KDM2A: variants seen among roughly 807,000 people sequenced by gnomAD.
KDM2A encodes lysine-specific demethylase 2A.
In KDM2A, 3 loss-of-function variants were observed where a neutral mutation model predicts 137.3. The observed-to-expected ratio is 0.02, with a 90% confidence interval of 0.01 to 0.06. The LOEUF is 0.06. KDM2A is among the 10% of genes least tolerant of loss of function. KDM2A has a pLI of 1.00. For synonymous variants in KDM2A, 512 were observed against 541.5 expected (o/e 0.95, Z 0.76); for missense variants, 738 against 1,510.6 (o/e 0.49, Z 8.48).
At chr11:67,224,275 A>G (rs546303774) in intron 10 of KDM2A, among the ~76,000 whole-genome samples, 2 of 152,256 alleles carry the variant, frequency 1.3e-5, no homozygotes, top group East Asian at 3.9e-4. Flanking sequence ...AAACAGTATC[A>G]TTTGGCTTAT....
rs1031421906 is a variant in KDM2A, at chr11:67,228,804, A to G, written c.1084+641A>G. Among the ~76,000 whole-genome samples, 3 of 152,018 alleles carry G rather than the reference A, an allele frequency of 2.0e-5. No homozygotes were observed. The East Asian group carries it at 5.8e-4, about 29-fold the overall frequency. ...CAAGTTGAATTGCAGTGGCGTGATC[A>G]TAGCTCACTGTAACCTCAAACTCCT... On this transcript the variant is annotated intron_variant, in intron 11 of 20. Transcript: ENST00000529006.
chr11:67,211,596 A>C (rs1857985030), intron 6 of KDM2A, among the ~76,000 whole-genome samples: 1 of 130,502 alleles, frequency 7.7e-6, no homozygotes, highest in African/African-American at 2.8e-5. Flanking sequence ...CCTGGGTGAC[A>C]CAGTGAGACC....
chr11:67,231,220 A>G (rs1858709516), intron 11 of KDM2A, among the ~76,000 whole-genome samples: 2 of 152,272 alleles, frequency 1.3e-5, no homozygotes, highest in Middle Eastern at 6.8e-3. Context: ...TTAAAAGGTA[A>G]TGAAATAATA....
At chr11:67,134,342 A>G (rs1294242121) in intron 2 of KDM2A, among the ~76,000 whole-genome samples, 2 of 152,212 alleles carry the variant, frequency 1.3e-5, no homozygotes, top group African/African-American at 4.8e-5. Flanking sequence ...AGCATTCTGC[A>G]GTGCACAGGA....
At chr11:67,133,552 A>G (rs1043295006) in intron 2 of KDM2A, among the ~76,000 whole-genome samples, 3 of 151,596 alleles carry the variant, frequency 2.0e-5, no homozygotes, top group African/African-American at 7.3e-5. Context: ...ACAGGCTCCC[A>G]CCACCACGCC....
At chr11:67,128,006 G>A (rs1165894022) in intron 2 of KDM2A, among the ~76,000 whole-genome samples, 5 of 143,744 alleles carry the variant, frequency 3.5e-5, no homozygotes, top group Admixed American at 7.0e-5. Context: ...CAGCACACCC[G>A]GCCTTTTTTT....
At chr11:67,215,670 G>C (rs4930415) in intron 7 of KDM2A, 186 bp from the exon 8 acceptor site, 1 of 635,836 alleles carries the variant, frequency 1.6e-6, no homozygotes, top group Non-Finnish European at 2.8e-6. Context: ...TAGTCAATAC[G>C]GTAGAAAAAA....
intron 2 of KDM2A, among the ~76,000 whole-genome samples, chr11:67,179,689 C>T (rs757560598): frequency 2.3e-4 from 35 of 152,222 alleles, no homozygotes; most frequent in Admixed American, 1.2e-3. Context: ...ATTTTAAATA[C>T]AGCTCTCCCT....
Position 67,121,353 on chromosome 11 carries a change from A to C in KDM2A, c.37A>C (p.Arg13=), listed in dbSNP as rs1466948134. ...AGAAGAAAGGATTCGTTACAGCCAG[A>C]GATTGGTTAGTATTTTCTCCCCCCA... ...PEEERIRYSQ[R]LRGTMRRRYE... is the part of the protein sequence containing the mutation. Residue 13 remains arginine, a synonymous_variant, in exon 2 of 21, where the codon AGA becomes CGA. Coordinates refer to ENST00000529006, the MANE Select transcript of KDM2A (RefSeq NM_012308.3). 6 of 1,613,670 alleles carry C rather than the reference A, an allele frequency of 3.7e-6. No individual in the cohort carries two copies. The highest frequency in any genetic ancestry group is 1.1e-5 in the South Asian group (1 of 91,066).
chr11:67,129,361 A>G (rs1277831067), intron 2 of KDM2A, among the ~76,000 whole-genome samples: 2 of 152,170 alleles, frequency 1.3e-5, no homozygotes, highest in Non-Finnish European at 2.9e-5. Flanking sequence ...GACCAAGGCC[A>G]GTGGAATGCT....
intron 2 of KDM2A, among the ~76,000 whole-genome samples, chr11:67,177,147 T>A (rs1856988645): frequency 6.6e-6 from 1 of 151,708 alleles, no homozygotes; most frequent in African/African-American, 2.4e-5. Flanking sequence ...GGCGAGAGAA[T>A]CCCAGCTACT....
At chr11:67,192,823 G>A (rs544298849) in intron 5 of KDM2A, among the ~76,000 whole-genome samples, 12 of 152,016 alleles carry the variant, frequency 7.9e-5, no homozygotes, top group Admixed American at 4.6e-4. Flanking sequence ...GAGTTTAGAC[G>A]GTATAAGCCT....
intron 12 of KDM2A, among the ~76,000 whole-genome samples, chr11:67,236,839 CTG>C (rs1195542164): frequency 6.6e-6 from 1 of 152,196 alleles, no homozygotes; most frequent in Non-Finnish European, 1.5e-5. Flanking sequence ...CCTGCCTGCT[CTG>C]TGTCAGGAAT....
At chr11:67,176,329 G>A (rs953729503) in intron 2 of KDM2A, among the ~76,000 whole-genome samples, 1 of 151,848 alleles carries the variant, frequency 6.6e-6, no homozygotes, top group Non-Finnish European at 1.5e-5. Flanking sequence ...ATTTTCTTAC[G>A]TGTTTATGTA....
intron 2 of KDM2A, among the ~76,000 whole-genome samples, chr11:67,142,337 T>G (rs973506009): frequency 1.4e-5 from 2 of 147,200 alleles, no homozygotes; most frequent in Admixed American, 1.3e-4. Flanking sequence ...GCGCCCACTG[T>G]ATATCTAGTT....
intron 12 of KDM2A, among the ~76,000 whole-genome samples, chr11:67,233,497 C>T (rs1158518556): frequency 1.7e-4 from 1 of 5,762 alleles, no homozygotes; most frequent in Non-Finnish European, 3.5e-4. Flanking sequence ...ACTAAAAATA[C>T]AAAAATTAGC....
intron 10 of KDM2A, among the ~76,000 whole-genome samples, chr11:67,220,290 G>A (rs911278499): frequency 3.9e-5 from 6 of 152,330 alleles, no homozygotes; most frequent in African/African-American, 9.6e-5. Context: ...GGGATTACAA[G>A]TGTGAGCTAC....
intron 16 of KDM2A, 143 bp downstream of exon 16, chr11:67,248,513 CT>C (rs1859316801): frequency 1.7e-6 from 1 of 594,908 alleles, no homozygotes; most frequent in Non-Finnish European, 3.0e-6. Flanking sequence ...TATGTTTTTC[CT>C]TTGGTTAATT....
chr11:67,228,257 G>C, intron 11 of KDM2A, 94 bp downstream of exon 11: 5 of 1,365,382 alleles, frequency 3.7e-6, no homozygotes, highest in Non-Finnish European at 4.0e-6. Context: ...ATATGTTCTT[G>C]GTTTTTTAAT....
Sources: allele counts gnomAD v4.1 joint callset (sites outside exome capture counted in the v4.1 genomes callset), GRCh38; gene constraint gnomAD v4.1.1; transcripts MANE v1.5; gene names NCBI Gene and HGNC (gene_info 2026-07-23, HGNC 2026-07-21).